CEP104: variants seen among roughly 807,000 people sequenced by gnomAD.
CEP104 encodes the protein centrosomal protein of 104 kDa.
In CEP104, 84 loss-of-function variants were observed where a neutral mutation model predicts 113.3. The ratio of observed to expected loss-of-function variants is 0.74; its 90% CI spans 0.62 to 0.89. CEP104 has a LOEUF of 0.89. Ranked by LOEUF, CEP104 falls within the 40% of genes least tolerant of loss-of-function variation. The probability of loss-of-function intolerance (pLI) is 0.00; values close to 1 mark genes in which losing one functional copy is unlikely to be tolerated. For missense variants in CEP104, 1,053 were observed against 1,156.6 expected (o/e 0.91, Z 1.30); for synonymous variants, 378 against 421.7 (o/e 0.90, Z 1.27).
chr1:3,847,203 C>T (rs556183710), intron 4 of CEP104, among the ~76,000 whole-genome samples: 211 of 152,326 alleles, frequency 1.4e-3, no homozygotes, highest in African/African-American at 4.9e-3. Flanking sequence ...TGAACTCTTT[C>T]GCGTTCTCCT....
intron 6 of CEP104, among the ~76,000 whole-genome samples, chr1:3,843,911 G>A (rs937903144): frequency 1.3e-4 from 19 of 151,994 alleles, no homozygotes; most frequent in East Asian, 1.2e-3. Context: ...ACAGGTGCGC[G>A]CCACCACGCC....
chr1:3,815,609 G>A (rs995023146), intron 21 of CEP104, 92 bp from the exon 22 acceptor site: 4 of 811,182 alleles, frequency 4.9e-6, no homozygotes, highest in Non-Finnish European at 7.6e-6. Context: ...CAGCAACAAC[G>A]TCCCAGGCCC....
At chr1:3,852,969 C>T (rs181158643) in intron 1 of CEP104, among the ~76,000 whole-genome samples, 1,774 of 152,326 alleles carry the variant, frequency 0.012, 17 homozygotes, top group Non-Finnish European at 0.016. Context: ...GGATCCTGCC[C>T]TACAGCCTCC....
intron 16 of CEP104, 48 bp from the exon 17 acceptor site, chr1:3,826,484 C>T (rs980816802): frequency 6.5e-7 from 1 of 1,548,212 alleles, no homozygotes; most frequent in African/African-American, 1.4e-5. Context: ...AAATTATTTT[C>T]AAAATTTTAG....
At chr1:3,849,851 A>T (rs1644578653) in intron 2 of CEP104, among the ~76,000 whole-genome samples, 1 of 152,302 alleles carries the variant, frequency 6.6e-6, no homozygotes, top group South Asian at 2.1e-4. Flanking sequence ...AAAAACTCCA[A>T]AACTGTTTAA....
Position 3,837,503 on chromosome 1 carries a change from TC to T in CEP104, c.907del (p.Asp303IlefsTer48). 1 of 1,614,174 alleles carries T rather than the reference TC, an allele frequency of 6.2e-7. No individual in the cohort carries two copies. The highest frequency in any genetic ancestry group is 8.5e-7 in the Non-Finnish European group (1 of 1,180,014). On this transcript the variant is annotated frameshift_variant, in exon 9 of 22. Coordinates refer to ENST00000378230, the MANE Select transcript of CEP104 (RefSeq NM_014704.4). LOFTEE classifies it high-confidence loss of function. ...LDAELMRRPF[D>X]LPLQPLARSG... ...ACGAGCGAGGGGCTGGAGGGGCAAA[TC>T]AAAAGGTCTTCGCATCTAGAGAACA...
At position 3,823,077 on chromosome 1, in the gene CEP104, T is replaced by C. The variant is rs74854676; in HGVS notation, c.2571+97A>G. On this transcript the variant is annotated intron_variant, in intron 20 of 21. Transcript: ENST00000378230. This position sits in a 1 kb window ranked among gnomAD's most constrained non-coding sequence, Gnocchi z 4.1. ...CTGAACACTCATGTACTGTACTCTG[T>C]GGCTATGGTCCCGCACTGACACCAC... 1.5e-4 allele frequency: 167 copies of C among 1,119,448 alleles called. No homozygotes were observed. The highest frequency in any genetic ancestry group is 1.5e-3 in the African/African-American group (97 of 65,482). 69.3% of individuals were successfully genotyped at this position (1,119,448 alleles called of 1,614,324 possible). A position where few individuals can be genotyped will look rare whatever the true frequency, so the allele number is the denominator to read the frequency against.
intron 1 of CEP104, among the ~76,000 whole-genome samples, chr1:3,854,577 T>C (rs1425376963): frequency 6.6e-6 from 1 of 151,858 alleles, no homozygotes; most frequent in Non-Finnish European, 1.5e-5. Context: ...CATGTGATTC[T>C]TGTGGTTCAG....
Position 3,815,151 on chromosome 1 carries a change from T to A in CEP104, c.*251A>T. The A allele has an allele frequency of 2.1e-6, 1 of 485,226 alleles. No homozygotes were observed. The highest frequency in any genetic ancestry group is 3.7e-6 in the Non-Finnish European group (1 of 271,414). The allele number at this position is 485,226 out of a possible 1,614,324, so 30.1% of individuals were successfully genotyped here. ...TCCTTCTCTGATTCTAAGGAAGGCC[T>A]GAGACAGCCCTGAAGGCTTAATGTA... On this transcript the variant is annotated 3_prime_UTR_variant, in exon 22 of 22. Coordinates refer to ENST00000378230, the MANE Select transcript of CEP104 (RefSeq NM_014704.4).
chr1:3,850,875 A>G (rs1405107612), intron 2 of CEP104, among the ~76,000 whole-genome samples: 1 of 152,198 alleles, frequency 6.6e-6, no homozygotes, highest in Non-Finnish European at 1.5e-5. Context: ...TGTGATTTTT[A>G]TAACTACTAC....
At chr1:3,843,601 C>T (rs1644453665) in intron 6 of CEP104, among the ~76,000 whole-genome samples, 1 of 152,024 alleles carries the variant, frequency 6.6e-6, no homozygotes, top group African/African-American at 2.4e-5. Flanking sequence ...ATCCTCCTGC[C>T]TTGGCCTCCC....
rs1644316193 is a variant in CEP104 at position 3,836,491 on chromosome 1, T to TTTTTC, written c.1317+3_1317+4insGAAAA. The stretch of plus-strand genomic sequence containing the variant: ...CCGTTTTTTTTTTTTTTTTTTTTTT[T>TTTTTC]TACCAAGGTTTCTCCCAACACATCG... On this transcript the variant is annotated splice_donor_region_variant and intron_variant, in intron 10 of 21. Coordinates refer to ENST00000378230, the MANE Select transcript of CEP104 (RefSeq NM_014704.4). 1.3e-6 allele frequency: 2 copies of TTTTTC among 1,557,610 alleles called. No individual in the cohort carries two copies. Among genetic ancestry groups the TTTTTC allele is most frequent in the African/African-American group, 1.4e-5 (1 of 70,542 alleles).
At chr1:3,853,655 A>T (rs1644658456) in intron 1 of CEP104, among the ~76,000 whole-genome samples, 1 of 152,232 alleles carries the variant, frequency 6.6e-6, no homozygotes, top group Non-Finnish European at 1.5e-5. Flanking sequence ...TGTTTCTTGG[A>T]ATGTATGAAC....
At chr1:3,845,979 T>A (rs1366045452) in intron 4 of CEP104, among the ~76,000 whole-genome samples, 2 of 149,810 alleles carry the variant, frequency 1.3e-5, no homozygotes, top group South Asian at 4.2e-4. Context: ...CTCAGGAGGC[T>A]GAGGCAGGAG....
Position 3,816,297 on chromosome 1 carries a change from G to A in CEP104, c.2645C>T (p.Ala882Val), listed in dbSNP as rs144861993. The A allele has an allele frequency of 1.3e-6, 2 of 1,552,608 alleles. No individual in the cohort carries two copies. The highest frequency in any genetic ancestry group is 1.2e-5 in the South Asian group (1 of 84,134). Reference sequence around the variant, plus strand: ...TCCCTCACCTGGCTGCAGTGCCGGGGCCTTCTGCAGAATGTGTGTCTTGCG... The same window carrying A: ...TCCCTCACCTGGCTGCAGTGCCGGGACCTTCTGCAGAATGTGTGTCTTGCG... The part of the protein sequence containing the change: ...NLRKTHILQK[A>V]PALQPGKSSA... The change falls in exon 21 of 22, where the codon GCC (alanine) becomes GTC (valine). Residue 882 changes from alanine to valine, a missense_variant. Ala to Val is a moderately conservative substitution (Grantham distance 64). Transcript: ENST00000378230.
intron 6 of CEP104, among the ~76,000 whole-genome samples, chr1:3,840,567 G>A (rs1476035359): frequency 2.6e-5 from 4 of 151,158 alleles, no homozygotes; most frequent in Admixed American, 2.6e-4. Context: ...CTTTGAGACA[G>A]AGTTCTGTTG....
Position 3,829,396 on chromosome 1 carries a change from A to G in CEP104, c.2044-23T>C, listed in dbSNP as rs375242891. 1.3e-4 allele frequency: 203 copies of G among 1,570,706 alleles called. No individual in the cohort carries two copies. In the Middle Eastern group the frequency reaches 1.8e-3, roughly 14 times the overall value. ...TGCCTGGTAAGAAAATTATTTTTCC[A>G]TTAGAACAGCTTGTTAGGGTAATCT... On this transcript the variant is annotated intron_variant, in intron 14 of 21. Transcript: ENST00000378230.
chr1:3,816,841 C>T (rs527491818), intron 20 of CEP104, among the ~76,000 whole-genome samples: 1 of 152,270 alleles, frequency 6.6e-6, no homozygotes, highest in South Asian at 2.1e-4. Context: ...CATGCACTTG[C>T]CCTGCAGAAT....
chr1:3,839,550 G>A (rs2124677481), intron 7 of CEP104, 58 bp downstream of exon 7: 1 of 1,439,554 alleles, frequency 6.9e-7, no homozygotes, highest in East Asian at 2.3e-5. Context: ...GTTATTCTAA[G>A]TATACATAAA....
Sources: allele counts gnomAD v4.1 joint callset (sites outside exome capture counted in the v4.1 genomes callset), GRCh38; gene constraint gnomAD v4.1.1; non-coding constraint Gnocchi (gnomAD v3.1); transcripts MANE v1.5; gene names NCBI Gene and HGNC (gene_info 2026-07-23, HGNC 2026-07-21).